CEP76: variants seen among roughly 807,000 people sequenced by gnomAD.
CEP76 encodes centrosomal protein of 76 kDa.
Under a neutral mutation model 83.3 loss-of-function variants are expected in CEP76, and 55 were observed. That is an observed-to-expected ratio of 0.66 (90% CI 0.53 to 0.83). CEP76 has a LOEUF of 0.83. Ranked by LOEUF, CEP76 falls within the 40% of genes least tolerant of loss-of-function variation. CEP76 has a pLI of 0.00. For missense variants in CEP76, 694 were observed against 799.5 expected (o/e 0.87, Z 1.59); for synonymous variants, 270 against 274.5 (o/e 0.98, Z 0.16).
At chr18:12,674,391 A>G in intron 11 of CEP76, 145 bp downstream of exon 11, 1 of 613,958 alleles carries the variant, frequency 1.6e-6, no homozygotes, top group South Asian at 2.3e-5. Context: ...ACAGTGAGCC[A>G]TAACTGTGCC....
At chr18:12,669,029 G>A (rs894828131), downstream of CEP76, among the ~76,000 whole-genome samples, 3 of 79,854 alleles carry the variant, frequency 3.8e-5, no homozygotes, top group African/African-American at 1.1e-4. Context: ...CGCACCCCCC[G>A]CACTTTTTTT....
chr18:12,691,834 G>T (rs1014809523), intron 6 of CEP76, among the ~76,000 whole-genome samples: 37 of 151,790 alleles, frequency 2.4e-4, no homozygotes, highest in African/African-American at 8.9e-4. Context: ...TCCTGCCTCA[G>T]CCTCCTGAGT....
intron 1 of CEP76, among the ~76,000 whole-genome samples, chr18:12,701,466 G>C (rs898837658): frequency 2.6e-5 from 4 of 152,098 alleles, no homozygotes; most frequent in African/African-American, 9.7e-5. Context: ...AATCTTACCA[G>C]CTTTCAACTT....
At chr18:12,667,300 T>G (rs2038822437) in intron 12 of CEP76, among the ~76,000 whole-genome samples, 1 of 151,936 alleles carries the variant, frequency 6.6e-6, no homozygotes, top group East Asian at 1.9e-4. Context: ...ACAAAAAAAT[T>G]TTAAAAGTTA....
At chr18:12,674,484 T>A in intron 11 of CEP76, 52 bp downstream of exon 11, 3 of 1,346,550 alleles carry the variant, frequency 2.2e-6, no homozygotes. Flanking sequence ...CCTGCCGGAC[T>A]GATCTGTAAG....
intron 8 of CEP76, among the ~76,000 whole-genome samples, chr18:12,682,538 T>TA (rs769608574): frequency 4.6e-5 from 7 of 152,096 alleles, no homozygotes; most frequent in South Asian, 4.2e-4. Context: ...TAAAGTTTTT[T>TA]AAAAAAAATT....
intron 7 of CEP76, 66 bp from the exon 8 acceptor site, chr18:12,686,516 T>C: frequency 8.8e-7 from 1 of 1,131,542 alleles, no homozygotes; most frequent in Non-Finnish European, 1.3e-6. Flanking sequence ...TTTTTTCAAA[T>C]ACATTAATGT....
intron 6 of CEP76, chr18:12,692,390 T>TGGC (rs1202613134): frequency 6.6e-6 from 1 of 152,090 alleles, no homozygotes; most frequent in Non-Finnish European, 1.5e-5. Flanking sequence ...ATACCTGCCC[T>TGGC]GGCCTATGAA....
At chr18:12,662,311 A>C in intron 12 of CEP76, 1 of 363,924 alleles carries the variant, frequency 2.7e-6, no homozygotes, top group Non-Finnish European at 5.3e-6. Flanking sequence ...TCAGTTATAC[A>C]ACTTGAAGGG....
Position 12,690,944 on chromosome 18 carries a change from C to A in CEP76, c.933+415G>T, listed in dbSNP as rs183304456. On this transcript the variant is annotated intron_variant, in intron 7 of 11. Transcript: ENST00000262127. ...AAAATATATATATGCCCAGAGCCCC[C>A]CCCCGTTCTGCACACAAGAGCTGGA... Among the ~76,000 whole-genome samples the A allele has an allele frequency of 2.1e-3, 311 of 151,248 alleles. 2 individuals are homozygous for A. The highest frequency in any genetic ancestry group is 4.6e-3 in the South Asian group (22 of 4,782).
intron 5 of CEP76, among the ~76,000 whole-genome samples, 199 bp from the exon 6 acceptor site, chr18:12,695,550 A>T (rs560416467): frequency 2.0e-5 from 3 of 152,194 alleles, no homozygotes; most frequent in African/African-American, 7.2e-5. Flanking sequence ...AATTATAAGG[A>T]GATTATTTTC....
At chr18:12,687,099 A>G (rs1160881411) in intron 7 of CEP76, among the ~76,000 whole-genome samples, 1 of 152,154 alleles carries the variant, frequency 6.6e-6, no homozygotes, top group Non-Finnish European at 1.5e-5. Flanking sequence ...TTTTACAGTG[A>G]GTATTACCAA....
At chr18:12,695,569 CT>C (rs2039923557) in intron 5 of CEP76, among the ~76,000 whole-genome samples, 1 of 151,932 alleles carries the variant, frequency 6.6e-6, no homozygotes, top group Non-Finnish European at 1.5e-5. Context: ...TCTTAGCTTT[CT>C]GACACTCTTT....
chr18:12,694,720 TTC>T, intron 6 of CEP76, among the ~76,000 whole-genome samples: 1 of 150,110 alleles, frequency 6.7e-6, no homozygotes, highest in East Asian at 1.9e-4. Flanking sequence ...TTTTTTTTTT[TTC>T]TTTTTTTGAG....
Position 12,673,220 on chromosome 18 carries a change from T to C in CEP76, c.*145A>G, listed in dbSNP as rs945805466. The C allele has an allele frequency of 1.5e-6, 2 of 1,367,090 alleles. No homozygotes were observed. The highest frequency in any genetic ancestry group is 1.9e-6 in the Non-Finnish European group (2 of 1,058,176). The allele number at this position is 1,367,090 out of a possible 1,614,324, so 84.7% of individuals were successfully genotyped here. A position where few individuals can be genotyped will look rare whatever the true frequency, so the allele number is the denominator to read the frequency against. ...AGGAATGCATGATTTTTTTTAAACA[T>C]TACCAGTCAAGTATATACAAAATTG... On this transcript the variant is annotated 3_prime_UTR_variant, in exon 12 of 12. Transcript: ENST00000262127.
Position 12,678,532 on chromosome 18 carries a change from T to A in CEP76, c.1290-90A>T, listed in dbSNP as rs898895779. 22 of 789,608 alleles carry A rather than the reference T, an allele frequency of 2.8e-5. No homozygotes were observed. In the East Asian group the frequency reaches 4.9e-4, roughly 17 times the overall value. 48.9% of individuals were successfully genotyped at this position (789,608 alleles called of 1,614,324 possible). On this transcript the variant is annotated intron_variant, in intron 9 of 11. Transcript: ENST00000262127. ...AAAATTATTCTAACACTTAAGGCCA[T>A]AACTACTTCTCAGAACTACAGTTTA...
At chr18:12,681,610 A>G (rs2039352175) in intron 8 of CEP76, among the ~76,000 whole-genome samples, 1 of 152,142 alleles carries the variant, frequency 6.6e-6, no homozygotes, top group Admixed American at 6.6e-5. Flanking sequence ...CAAGTCATAC[A>G]GCAAGAAATG....
At chr18:12,693,498 C>T (rs914129144) in intron 6 of CEP76, among the ~76,000 whole-genome samples, 3 of 152,136 alleles carry the variant, frequency 2.0e-5, no homozygotes, top group African/African-American at 7.2e-5. Flanking sequence ...TTATATGTCA[C>T]ATAAATATAT....
chr18:12,702,733 G>A, upstream of CEP76: 2 of 626,588 alleles, frequency 3.2e-6, no homozygotes, highest in Admixed American at 3.3e-5. Flanking sequence ...TGAGGCCCCG[G>A]CGGCGGCGGC....
Sources: gnomAD v4.1 joint callset for allele counts (sites outside exome capture counted in the v4.1 genomes callset) on GRCh38, gnomAD v4.1.1 for gene constraint, MANE v1.5 for transcripts, NCBI Gene and HGNC (gene_info 2026-07-23, HGNC 2026-07-21) for gene names.